The following PSD3 variants were observed in gnomAD, a reference collection of about 807,000 sequenced individuals.
PSD3 encodes PH and SEC7 domain-containing protein 3.
PSD3 carries 49 observed loss-of-function variants against 105.5 expected under a neutral mutation model. That is an observed-to-expected ratio of 0.46 (90% confidence interval 0.37 to 0.59). PSD3 has a LOEUF of 0.59. PSD3 is among the 20% of genes least tolerant of loss of function. The probability of loss-of-function intolerance (pLI) is 0.00; values close to 1 mark genes in which losing one functional copy is unlikely to be tolerated. For synonymous variants in PSD3, 557 were observed against 457.8 expected, an observed-to-expected ratio of 1.22 and a Z score of -2.77; for missense variants, 1,561 against 1,263.8, an observed-to-expected ratio of 1.24 and a Z score of -3.57.
intron 9 of PSD3, among the ~76,000 whole-genome samples, chr8:18,683,431 C>T (rs181848580): frequency 2.1e-4 from 32 of 152,330 alleles, no homozygotes; most frequent in African/African-American, 7.7e-4. Context: ...TCTAAAAATA[C>T]TCCGCACTGA....
rs991097866 is a variant in PSD3 at position 18,801,319 on chromosome 8, G to A, written c.1974C>T (p.His658=). The A allele has an allele frequency of 1.2e-6, 2 of 1,607,536 alleles. No individual in the cohort carries two copies. Among genetic ancestry groups the A allele is most frequent in the Non-Finnish European group, 1.7e-6 (2 of 1,175,470 alleles). ...TACAATAAAAATATCTATTGGAGAA[G>A]TGTATTAAAACTCTCTCTCGTTCTT... ...ETQERERVLI[H]FSNRYFYCNP... The change falls in exon 7 of 16, where the codon CAC becomes CAT. Residue 658 remains histidine, a synonymous_variant. Transcript: ENST00000327040.
chr8:18,698,341 A>G (rs1801379304), intron 9 of PSD3, among the ~76,000 whole-genome samples: 1 of 151,986 alleles, frequency 6.6e-6, no homozygotes. Flanking sequence ...TTGGTCTCTA[A>G]CTCCTGGGCT....
chr8:18,944,851 C>A (rs1277562838), intron 1 of PSD3, among the ~76,000 whole-genome samples: 1 of 152,134 alleles, frequency 6.6e-6, no homozygotes, highest in East Asian at 1.9e-4. Context: ...TGACCTGTCC[C>A]CATTATTCTC....
At chr8:18,797,785 T>C (rs1810317174) in intron 8 of PSD3, among the ~76,000 whole-genome samples, 1 of 152,194 alleles carries the variant, frequency 6.6e-6, no homozygotes, top group Admixed American at 6.5e-5. Flanking sequence ...CTGAATTTTT[T>C]TCCTCCCACC....
At chr8:18,593,056 G>C (rs529344282) in intron 12 of PSD3, among the ~76,000 whole-genome samples, 10 of 152,306 alleles carry the variant, frequency 6.6e-5, no homozygotes, top group South Asian at 2.1e-4. Context: ...TCAGGACATA[G>C]GCACGGGCAA....
chr8:18,711,037 T>C (rs1313280641), intron 9 of PSD3, among the ~76,000 whole-genome samples: 1 of 152,086 alleles, frequency 6.6e-6, no homozygotes, highest in Non-Finnish European at 1.5e-5. Context: ...CTGGCCAAAC[T>C]AAGCTTTGTG....
intron 1 of PSD3, among the ~76,000 whole-genome samples, chr8:19,026,701 C>CA (rs10669321): frequency 0.055 from 4,510 of 82,158 alleles, 330 homozygotes; most frequent in Middle Eastern, 0.074. Context: ...CACATCTCTA[C>CA]AAAAAAAAAA....
At chr8:18,933,416 T>C (rs1821876565) in intron 2 of PSD3, among the ~76,000 whole-genome samples, 1 of 151,828 alleles carries the variant, frequency 6.6e-6, no homozygotes. Flanking sequence ...AGCAAAAAAA[T>C]CACAGTGTCA....
chr8:18,716,667 G>A (rs1444316725), intron 9 of PSD3, among the ~76,000 whole-genome samples: 1 of 152,104 alleles, frequency 6.6e-6, no homozygotes, highest in Non-Finnish European at 1.5e-5. Flanking sequence ...TATAGGATGA[G>A]GATTTTAAGC....
intron 12 of PSD3, among the ~76,000 whole-genome samples, chr8:18,590,642 A>G (rs1803530233): frequency 1.3e-5 from 2 of 152,242 alleles, no homozygotes; most frequent in Non-Finnish European, 2.9e-5. Flanking sequence ...AAAATAAAAG[A>G]GATATGTGCA....
At chr8:19,028,856 C>T (rs1605336) in intron 1 of PSD3, among the ~76,000 whole-genome samples, 56,563 of 152,036 alleles carry the variant, frequency 0.37, 10,887 homozygotes, top group Admixed American at 0.43. Context: ...TTAATCTTCA[C>T]ATGTGCTATG....
intron 1 of PSD3, among the ~76,000 whole-genome samples, chr8:18,974,139 A>C (rs1223306053): frequency 6.6e-6 from 1 of 152,250 alleles, no homozygotes; most frequent in Non-Finnish European, 1.5e-5. Flanking sequence ...TTATTTTTCT[A>C]TGTACCAGTT....
At chr8:18,862,037 G>A (rs1347796251) in intron 4 of PSD3, among the ~76,000 whole-genome samples, 1 of 152,160 alleles carries the variant, frequency 6.6e-6, no homozygotes, top group Non-Finnish European at 1.5e-5. Flanking sequence ...CAGGACTTCT[G>A]TCCATGGCCG....
intron 1 of PSD3, among the ~76,000 whole-genome samples, chr8:18,944,708 C>T (rs765968302): frequency 1.3e-4 from 20 of 152,124 alleles, no homozygotes; most frequent in Non-Finnish European, 2.1e-4. Flanking sequence ...TATCTTGTTT[C>T]ACACCAAACT....
intron 3 of PSD3, among the ~76,000 whole-genome samples, chr8:18,868,407 C>A (rs1442501993): frequency 6.6e-6 from 1 of 152,138 alleles, no homozygotes; most frequent in Non-Finnish European, 1.5e-5. Flanking sequence ...TACCAGCATT[C>A]CTAATTATAA....
intron 1 of PSD3, among the ~76,000 whole-genome samples, chr8:19,012,664 T>A (rs551046627): frequency 6.6e-6 from 1 of 152,214 alleles, no homozygotes; most frequent in Non-Finnish European, 1.5e-5. Context: ...AATCCTATCC[T>A]ACTTACCTAG....
At chr8:18,770,656 C>G (rs1051769818) in intron 8 of PSD3, among the ~76,000 whole-genome samples, 1 of 152,218 alleles carries the variant, frequency 6.6e-6, no homozygotes, top group Non-Finnish European at 1.5e-5. Context: ...GGTCCCGCAG[C>G]AACATCTGGG....
intron 9 of PSD3, among the ~76,000 whole-genome samples, chr8:18,687,213 C>T (rs983155222): frequency 2.0e-5 from 3 of 152,144 alleles, no homozygotes; most frequent in African/African-American, 7.2e-5. Flanking sequence ...CCTGTAATCC[C>T]AGCACTTTGG....
chr8:18,583,557 C>T (rs985160248), intron 12 of PSD3, among the ~76,000 whole-genome samples: 4 of 152,164 alleles, frequency 2.6e-5, no homozygotes, highest in Admixed American at 6.5e-5. Context: ...CACCACTGAA[C>T]CTGCAGTTCC....
Sources: allele counts gnomAD v4.1 joint callset (sites outside exome capture counted in the v4.1 genomes callset), GRCh38; gene constraint gnomAD v4.1.1; transcripts MANE v1.5; gene names NCBI Gene and HGNC (gene_info 2026-07-23, HGNC 2026-07-21).